The following IL1RAPL1 variants were observed in gnomAD, a reference collection of about 807,000 sequenced individuals.
IL1RAPL1 encodes the protein interleukin 1 receptor accessory protein like 1.
Under a neutral mutation model 48.4 loss-of-function variants are expected in IL1RAPL1, and 3 were observed. The observed-to-expected ratio is 0.06, with a 90% CI of 0.03 to 0.16. The LOEUF (loss-of-function observed/expected upper bound fraction) is 0.16, where lower values mean the gene tolerates loss of function less well. Among genes scored for constraint, IL1RAPL1 ranks in the 10% least tolerant of loss-of-function variants. IL1RAPL1 has a pLI of 1.00. For synonymous variants in IL1RAPL1, 185 were observed against 187.7 expected (o/e 0.99, Z 0.12); for missense variants, 349 against 530.6 (o/e 0.66, Z 3.36).
chrX:29,545,178 C>CCTATCTATCTATCTAT (rs74314245), intron 5 of IL1RAPL1, among the ~76,000 whole-genome samples: 2 of 91,830 alleles, frequency 2.2e-5, no homozygotes, highest in Non-Finnish European at 4.3e-5. Context: ...GAAAACTAAT[C>CCTATCTATCTATCTAT]CTATCTATCT....
chrX:29,410,921 T>C (rs959466542), intron 5 of IL1RAPL1, among the ~76,000 whole-genome samples: 1 of 111,888 alleles, frequency 8.9e-6, no homozygotes, highest in African/African-American at 3.3e-5. Flanking sequence ...CCCATTTTCT[T>C]TGGAGTACCA....
intron 1 of IL1RAPL1, among the ~76,000 whole-genome samples, chrX:28,756,116 T>A (rs1936102198): frequency 1.8e-5 from 2 of 111,641 alleles, no homozygotes; most frequent in African/African-American, 3.3e-5. Flanking sequence ...TTGAAATCCA[T>A]CTCTCTTAAC....
At chrX:29,180,063 A>T (rs753298141) in intron 2 of IL1RAPL1, among the ~76,000 whole-genome samples, 5 of 109,302 alleles carry the variant, frequency 4.6e-5, no homozygotes, top group Non-Finnish European at 9.5e-5. Context: ...AGGCTTATTG[A>T]TCAAATTAAC....
At chrX:29,784,084 A>G (rs1569167652) in intron 6 of IL1RAPL1, among the ~76,000 whole-genome samples, 1 of 112,226 alleles carries the variant, frequency 8.9e-6, no homozygotes, top group Non-Finnish European at 1.9e-5. Context: ...CTCTCGAATT[A>G]TATACCTCAC....
intron 6 of IL1RAPL1, among the ~76,000 whole-genome samples, chrX:29,864,013 C>G (rs1931644357): frequency 9.0e-6 from 1 of 111,570 alleles, no homozygotes; most frequent in Middle Eastern, 4.6e-3. Context: ...TTTCAAACTC[C>G]TGACCTCGTG....
chrX:29,011,095 T>C (rs1199174260), intron 2 of IL1RAPL1, among the ~76,000 whole-genome samples: 1 of 111,959 alleles, frequency 8.9e-6, no homozygotes, highest in African/African-American at 3.2e-5. Flanking sequence ...TCACCATATA[T>C]CGTATATATT....
intron 1 of IL1RAPL1, among the ~76,000 whole-genome samples, chrX:28,590,253 T>C (rs1054561646): frequency 8.9e-6 from 1 of 111,782 alleles, no homozygotes; most frequent in African/African-American, 3.3e-5. Context: ...TATTATCTAG[T>C]TGTGCTATTT....
At chrX:29,830,742 C>T (rs865991576) in intron 6 of IL1RAPL1, among the ~76,000 whole-genome samples, 2 of 111,250 alleles carry the variant, frequency 1.8e-5, no homozygotes, top group African/African-American at 3.3e-5. Flanking sequence ...TGTGAGCCAC[C>T]GTGCCCGGCC....
intron 1 of IL1RAPL1, among the ~76,000 whole-genome samples, chrX:28,663,865 A>G (rs1445648670): frequency 2.7e-5 from 3 of 112,360 alleles, no homozygotes; most frequent in Non-Finnish European, 3.8e-5. Flanking sequence ...TTTTCTCCTC[A>G]AAAGACTGTA....
intron 1 of IL1RAPL1, among the ~76,000 whole-genome samples, chrX:28,624,216 C>T (rs945377653): frequency 9.0e-6 from 1 of 111,391 alleles, no homozygotes; most frequent in Non-Finnish European, 1.9e-5. Flanking sequence ...ATCGTCACAC[C>T]TGAGACAAAT....
chrX:28,895,304 G>A (rs1922885344), intron 2 of IL1RAPL1, among the ~76,000 whole-genome samples: 1 of 110,890 alleles, frequency 9.0e-6, no homozygotes, highest in South Asian at 3.9e-4. Context: ...AGGCCATGCT[G>A]TAGCAGGTGA....
intron 7 of IL1RAPL1, among the ~76,000 whole-genome samples, chrX:29,919,350 A>T (rs1008120020): frequency 6.2e-5 from 7 of 112,314 alleles, no homozygotes; most frequent in African/African-American, 2.3e-4. Flanking sequence ...TTCTGCATTT[A>T]AAAATGTTGA....
chrX:29,835,048 C>T (rs1263000772), intron 6 of IL1RAPL1, among the ~76,000 whole-genome samples: 1 of 111,959 alleles, frequency 8.9e-6, no homozygotes, highest in African/African-American at 3.2e-5. Context: ...AATAACATTC[C>T]AGAAACAAAA....
chrX:29,945,118 T>A (rs746785537), intron 9 of IL1RAPL1, among the ~76,000 whole-genome samples: 1 of 111,808 alleles, frequency 8.9e-6, no homozygotes, highest in African/African-American at 3.2e-5. Flanking sequence ...CCATATGAAG[T>A]TCTGTTATCC....
intron 2 of IL1RAPL1, among the ~76,000 whole-genome samples, chrX:29,180,969 T>G (rs1046199999): frequency 8.9e-6 from 1 of 111,950 alleles, no homozygotes; most frequent in African/African-American, 3.2e-5. Flanking sequence ...GTTGAATTGA[T>G]TCTTGGAAAA....
chrX:29,657,791 T>G (rs1925725972), intron 5 of IL1RAPL1, among the ~76,000 whole-genome samples: 1 of 109,737 alleles, frequency 9.1e-6, no homozygotes. Context: ...TTTCTTGGAA[T>G]AGACTATTGT....
intron 5 of IL1RAPL1, among the ~76,000 whole-genome samples, chrX:29,644,553 T>G (rs112122621): frequency 0.023 from 2,441 of 107,177 alleles, 30 homozygotes; most frequent in Middle Eastern, 0.089. Context: ...TGTGTTTTTT[T>G]TTTTGTTTTG....
chrX:29,015,294 T>A (rs1369856053), intron 2 of IL1RAPL1, among the ~76,000 whole-genome samples: 1 of 111,522 alleles, frequency 9.0e-6, no homozygotes. Flanking sequence ...ATAATGGTAA[T>A]AATAATAATC....
chrX:28,939,094 ATTAGT>A (rs755873026), intron 2 of IL1RAPL1, among the ~76,000 whole-genome samples: 15 of 110,887 alleles, frequency 1.4e-4, no homozygotes, highest in Non-Finnish European at 2.5e-4. Context: ...AGGAATATAA[ATTAGT>A]TTAGCCATTG....
Sources: gnomAD v4.1 joint callset for allele counts (sites outside exome capture counted in the v4.1 genomes callset) on GRCh38, gnomAD v4.1.1 for gene constraint, MANE v1.5 for transcripts, NCBI Gene and HGNC (gene_info 2026-07-23, HGNC 2026-07-21) for gene names.